Variants in MYO16 observed in about 807,000 individuals in gnomAD.
MYO16 encodes the protein myosin XVI, also known as unconventional myosin-XVI.
In MYO16, 94 loss-of-function variants were observed where a neutral mutation model predicts 205.3. The ratio of observed to expected loss-of-function variants is 0.46; its 90% confidence interval spans 0.39 to 0.54. The LOEUF is 0.54. MYO16 is among the 20% of genes least tolerant of loss of function. MYO16 has a pLI of 0.00. For synonymous variants in MYO16, 988 were observed against 954.0 expected (o/e 1.04, Z -0.66); for missense variants, 2,315 against 2,387.5 (o/e 0.97, Z 0.63).
chr13:108,659,857 A>T (rs1881422952), intron 1 of MYO16, among the ~76,000 whole-genome samples: 1 of 152,198 alleles, frequency 6.6e-6, no homozygotes, highest in South Asian at 2.1e-4. Context: ...GGCTTACTAA[A>T]GCAATAAGAA....
At chr13:109,007,351 G>C (rs1400440975) in intron 21 of MYO16, among the ~76,000 whole-genome samples, 1 of 151,340 alleles carries the variant, frequency 6.6e-6, no homozygotes, top group African/African-American at 2.4e-5. Flanking sequence ...TGGCGCCACT[G>C]CACTCCAGCC....
intron 16 of MYO16, among the ~76,000 whole-genome samples, chr13:108,946,893 C>T (rs189102711): frequency 6.6e-6 from 1 of 152,250 alleles, no homozygotes; most frequent in African/African-American, 2.4e-5. Flanking sequence ...AGTTACAGGC[C>T]ACTATGCCCA....
chr13:108,939,529 T>C (rs1179210178), intron 16 of MYO16, among the ~76,000 whole-genome samples: 4 of 152,188 alleles, frequency 2.6e-5, no homozygotes, highest in Non-Finnish European at 5.9e-5. Context: ...TTTAATTGGG[T>C]TGATCCTTCT....
At chr13:108,655,475 C>T (rs187670251) in intron 1 of MYO16, among the ~76,000 whole-genome samples, 1 of 152,318 alleles carries the variant, frequency 6.6e-6, no homozygotes, top group African/African-American at 2.4e-5. Flanking sequence ...GCGGCAGCGG[C>T]GTGGCCCTCA....
At chr13:108,496,124 G>A in the MYO16 span, among the ~76,000 whole-genome samples, 2 of 152,290 alleles carry the variant, frequency 1.3e-5, no homozygotes, top group Admixed American at 6.5e-5. Context: ...GGACGCGTCT[G>A]GGGGGCGTGG....
intron 4 of MYO16, among the ~76,000 whole-genome samples, chr13:108,773,348 A>G (rs1037725242): frequency 6.6e-6 from 1 of 152,230 alleles, no homozygotes; most frequent in Non-Finnish European, 1.5e-5. Flanking sequence ...ATGGCTTCAA[A>G]CAATAGAAAT....
At chr13:108,564,281 C>T in the MYO16 span, among the ~76,000 whole-genome samples, 2 of 151,708 alleles carry the variant, frequency 1.3e-5, no homozygotes, top group Non-Finnish European at 2.9e-5. Flanking sequence ...AGTGATTCTC[C>T]TGCTTCAGCA....
intron 14 of MYO16, among the ~76,000 whole-genome samples, chr13:108,891,290 C>T (rs1880161065): frequency 1.3e-5 from 2 of 152,056 alleles, no homozygotes; most frequent in Non-Finnish European, 2.9e-5. Flanking sequence ...TCTTACCTGC[C>T]CTGCTTTTGT....
At chr13:109,000,347 T>TAA (rs1885174446) in intron 21 of MYO16, among the ~76,000 whole-genome samples, 1 of 152,164 alleles carries the variant, frequency 6.6e-6, no homozygotes, top group Admixed American at 6.5e-5. Flanking sequence ...TTCAGAAAAT[T>TAA]AAGAGTTAAA....
chr13:108,648,029 A>C (rs1880830357), intron 1 of MYO16, among the ~76,000 whole-genome samples: 1 of 152,214 alleles, frequency 6.6e-6, no homozygotes, highest in Non-Finnish European at 1.5e-5. Flanking sequence ...TTTATGGTCT[A>C]TAGGGCAGAG....
At chr13:108,510,341 T>A in the MYO16 span, among the ~76,000 whole-genome samples, 3 of 151,516 alleles carry the variant, frequency 2.0e-5, no homozygotes, top group Admixed American at 6.6e-5. Flanking sequence ...ATGGTCTCGA[T>A]CTCCTGACCT....
At chr13:108,785,791 TGTAA>T (rs780225730) in intron 5 of MYO16, 48 bp downstream of exon 5, 1 of 1,189,788 alleles carries the variant, frequency 8.4e-7, no homozygotes, top group Non-Finnish European at 1.2e-6. Context: ...TTGGGAGAAT[TGTAA>T]GTGTGTATTC....
intron 27 of MYO16, among the ~76,000 whole-genome samples, chr13:109,087,248 G>A (rs920117549): frequency 6.6e-6 from 1 of 152,226 alleles, no homozygotes; most frequent in Admixed American, 6.5e-5. Flanking sequence ...AATTGCACTG[G>A]CAATGATATT....
chr13:109,096,280 T>C (rs1888772923), intron 27 of MYO16, among the ~76,000 whole-genome samples: 1 of 152,202 alleles, frequency 6.6e-6, no homozygotes, highest in Non-Finnish European at 1.5e-5. Context: ...GGCTTGCAGC[T>C]GTGTCACTGA....
chr13:108,522,755 G>T, the MYO16 span, among the ~76,000 whole-genome samples: 1 of 110,874 alleles, frequency 9.0e-6, no homozygotes, highest in Admixed American at 1.0e-4. Flanking sequence ...TACCATGTGG[G>T]GTGTGTGTGT....
intron 4 of MYO16, among the ~76,000 whole-genome samples, chr13:108,738,101 T>C (rs1381178206): frequency 6.6e-6 from 1 of 152,184 alleles, no homozygotes; most frequent in Non-Finnish European, 1.5e-5. Flanking sequence ...GATTCATTGA[T>C]ATTTTGAAGG....
chr13:108,767,408 G>A (rs1885816708), intron 4 of MYO16, among the ~76,000 whole-genome samples: 1 of 152,026 alleles, frequency 6.6e-6, no homozygotes, highest in South Asian at 2.1e-4. Flanking sequence ...GGCTGTATCT[G>A]GGTATTTTTT....
chr13:108,632,798 A>G (rs1042259281), intron 1 of MYO16, among the ~76,000 whole-genome samples: 1 of 152,144 alleles, frequency 6.6e-6, no homozygotes, highest in African/African-American at 2.4e-5. Flanking sequence ...ATGCCTGTTG[A>G]GAGGTAACAC....
At chr13:109,133,698 C>A (rs1053563147) in intron 31 of MYO16, among the ~76,000 whole-genome samples, 27 of 152,152 alleles carry the variant, frequency 1.8e-4, no homozygotes, top group African/African-American at 6.3e-4. Context: ...ATCTCATTGA[C>A]TTTATCAAGT....
Sources: allele counts gnomAD v4.1 joint callset (sites outside exome capture counted in the v4.1 genomes callset), GRCh38; gene constraint gnomAD v4.1.1; transcripts MANE v1.5; gene names NCBI Gene and HGNC (gene_info 2026-07-23, HGNC 2026-07-21).